The following ATRNL1 variants were observed in gnomAD, a reference collection of about 807,000 sequenced individuals.
ATRNL1 encodes the protein attractin like 1.
Under a neutral mutation model 182.7 loss-of-function variants are expected in ATRNL1, and 95 were observed. The ratio of observed to expected loss-of-function variants is 0.52; its 90% confidence interval spans 0.44 to 0.62. The LOEUF is 0.62. Among genes scored for constraint, ATRNL1 ranks in the 20% least tolerant of loss-of-function variants. The pLI is 0.00. For synonymous variants in ATRNL1, 576 were observed against 568.3 expected, an observed-to-expected ratio of 1.01 and a Z score of -0.19; for missense variants, 1,471 against 1,679.5, an observed-to-expected ratio of 0.88 and a Z score of 2.17.
chr10:115,672,469 C>T (rs538064324), intron 26 of ATRNL1, among the ~76,000 whole-genome samples: 1 of 152,094 alleles, frequency 6.6e-6, no homozygotes, highest in East Asian at 1.9e-4. Context: ...TAAATTATAG[C>T]GTTTTAGAAC....
intron 6 of ATRNL1, among the ~76,000 whole-genome samples, chr10:115,164,679 A>G (rs1554883974): frequency 6.6e-6 from 1 of 152,158 alleles, no homozygotes; most frequent in Non-Finnish European, 1.5e-5. Flanking sequence ...TTGCAGCAAT[A>G]TGGATGGAAC....
At chr10:115,476,055 A>G (rs1848516307) in intron 24 of ATRNL1, among the ~76,000 whole-genome samples, 1 of 151,300 alleles carries the variant, frequency 6.6e-6, no homozygotes, top group Non-Finnish European at 1.5e-5. Flanking sequence ...TATACTCTAC[A>G]GCTATAAATT....
intron 27 of ATRNL1, among the ~76,000 whole-genome samples, chr10:115,741,467 C>CT (rs1948137986): frequency 6.6e-6 from 1 of 152,112 alleles, no homozygotes; most frequent in African/African-American, 2.4e-5. Context: ...AATGAGGAAG[C>CT]AGCTGTGAGA....
chr10:115,514,208 T>C (rs1159104008), intron 24 of ATRNL1, among the ~76,000 whole-genome samples: 1 of 151,978 alleles, frequency 6.6e-6, no homozygotes, highest in African/African-American at 2.4e-5. Flanking sequence ...AAAAACAGTG[T>C]TAATTTTGGG....
At chr10:115,725,173 G>C (rs188542539) in intron 26 of ATRNL1, among the ~76,000 whole-genome samples, 1,940 of 152,228 alleles carry the variant, frequency 0.013, 118 homozygotes, top group Admixed American at 0.11. Flanking sequence ...TAATTTAGTA[G>C]GCATTCAGTT....
intron 19 of ATRNL1, among the ~76,000 whole-genome samples, chr10:115,364,848 C>G (rs1554945411): frequency 6.7e-6 from 1 of 150,354 alleles, no homozygotes; most frequent in Admixed American, 6.6e-5. Flanking sequence ...ATTGAACCAG[C>G]CTTGCATCCC....
chr10:115,469,945 A>G (rs1273814974), intron 24 of ATRNL1, among the ~76,000 whole-genome samples: 1 of 150,612 alleles, frequency 6.6e-6, no homozygotes, highest in Non-Finnish European at 1.5e-5. Context: ...CCTGAAAGAA[A>G]AGCCTATCTA....
In ATRNL1 at chr10:115,862,938, A is replaced by C. The variant is rs142849339; in HGVS notation, c.4018+14947A>C. Among the ~76,000 whole-genome samples, 442 of 152,346 alleles carry C rather than the reference A, an allele frequency of 2.9e-3. 1 individual carries two copies. Among genetic ancestry groups the C allele is most frequent in the African/African-American group, 9.6e-3 (399 of 41,562 alleles). On this transcript the variant is annotated intron_variant, in intron 28 of 28. Transcript: ENST00000355044. ...CAAAATATATTAAGTGAGAAAAGTAAAGTGCATACAGATATCTAGAGTGTC... is the reference window on the plus strand; with the variant it reads ...CAAAATATATTAAGTGAGAAAAGTACAGTGCATACAGATATCTAGAGTGTC...
chr10:115,368,213 G>A (rs1857171756), intron 19 of ATRNL1, among the ~76,000 whole-genome samples: 1 of 152,232 alleles, frequency 6.6e-6, no homozygotes, highest in African/African-American at 2.4e-5. Flanking sequence ...CCAGGTGCGG[G>A]ATATAATCTC....
At chr10:115,443,501 A>C (rs1333889249) in intron 21 of ATRNL1, among the ~76,000 whole-genome samples, 2 of 151,768 alleles carry the variant, frequency 1.3e-5, no homozygotes, top group Non-Finnish European at 2.9e-5. Flanking sequence ...TACCATTTTA[A>C]TTTTTTATTT....
In ATRNL1 at chr10:115,202,701, G is replaced by A. The variant is rs187841157; in HGVS notation, c.1349-12996G>A. On this transcript the variant is annotated intron_variant, in intron 8 of 28. Transcript: ENST00000355044. The stretch of plus-strand genomic sequence containing the variant: ...TATTGGTCTAAAATTCTCTTTTTTG[G>A]TTGTGTCTCTGCCCGGCTTTGGTAT... Among the ~76,000 whole-genome samples, 988 of 143,392 alleles carry A rather than the reference G, an allele frequency of 6.9e-3. 6 individuals carry two copies. Among genetic ancestry groups the A allele is most frequent in the Non-Finnish European group, 0.011 (745 of 65,384 alleles). 94.1% of individuals were successfully genotyped at this position (143,392 alleles called of 152,430 possible).
In ATRNL1 at chr10:115,948,985, A is replaced by AC. The variant is rs1164676189; in HGVS notation, c.*4211dup. The AC allele has an allele frequency of 1.4e-4, 21 of 152,232 alleles. No homozygotes were observed. The highest frequency in any genetic ancestry group is 5.1e-4 in the African/African-American group (21 of 41,548). The allele number at this position is 152,232 out of a possible 1,614,324, so 9.4% of individuals were successfully genotyped here. A position where few individuals can be genotyped will look rare whatever the true frequency, so the allele number is the denominator to read the frequency against. Reference sequence around the variant, plus strand: ...TTAAATAAAAACATTGGCTCTTCCAACCCCCACTGCCAAATGCAGTTTTGT... The same window carrying AC: ...TTAAATAAAAACATTGGCTCTTCCAACCCCCCACTGCCAAATGCAGTTTTGT... On this transcript the variant is annotated 3_prime_UTR_variant, in exon 29 of 29. Coordinates refer to ENST00000355044, the MANE Select transcript of ATRNL1 (RefSeq NM_207303.4).
At chr10:115,913,995 G>C (rs1005824392) in intron 28 of ATRNL1, among the ~76,000 whole-genome samples, 1 of 152,134 alleles carries the variant, frequency 6.6e-6, no homozygotes, top group African/African-American at 2.4e-5. Context: ...TAATCCCCAC[G>C]TTTTGGGGGA....
At chr10:115,805,891 C>T (rs1296657945) in intron 27 of ATRNL1, among the ~76,000 whole-genome samples, 3 of 152,058 alleles carry the variant, frequency 2.0e-5, no homozygotes, top group African/African-American at 7.2e-5. Context: ...GCATGGTATC[C>T]ACTTACCTAA....
chr10:115,754,345 C>A (rs1006397845), intron 27 of ATRNL1, among the ~76,000 whole-genome samples: 7 of 151,842 alleles, frequency 4.6e-5, no homozygotes, highest in Non-Finnish European at 1.0e-4. Flanking sequence ...GAGTTAATTT[C>A]TCTATAAGGT....
chr10:115,480,863 A>G (rs1848731788), intron 24 of ATRNL1, among the ~76,000 whole-genome samples: 1 of 151,088 alleles, frequency 6.6e-6, no homozygotes, highest in Non-Finnish European at 1.5e-5. Flanking sequence ...ATCCAGAGCT[A>G]TTCTTTACAA....
At chr10:115,881,329 C>A (rs1951822944) in intron 28 of ATRNL1, among the ~76,000 whole-genome samples, 1 of 152,130 alleles carries the variant, frequency 6.6e-6, no homozygotes, top group Non-Finnish European at 1.5e-5. Flanking sequence ...GGTGCCCAGC[C>A]CTTAGCCAGG....
chr10:115,534,042 A>T (rs1851788801), intron 25 of ATRNL1, among the ~76,000 whole-genome samples: 1 of 151,168 alleles, frequency 6.6e-6, no homozygotes, highest in East Asian at 1.9e-4. Context: ...TCAATTTTGG[A>T]ATAGGTGTGG....
chr10:115,729,560 G>A (rs1947725092), intron 27 of ATRNL1, among the ~76,000 whole-genome samples: 1 of 135,502 alleles, frequency 7.4e-6, no homozygotes, highest in Non-Finnish European at 1.6e-5. Context: ...GCTTCTTTTT[G>A]TTTTTTTTTC....
Sources: gnomAD v4.1 joint callset for allele counts (sites outside exome capture counted in the v4.1 genomes callset) on GRCh38, gnomAD v4.1.1 for gene constraint, MANE v1.5 for transcripts, NCBI Gene and HGNC (gene_info 2026-07-23, HGNC 2026-07-21) for gene names.